C10orf53: variants seen among roughly 807,000 people sequenced by gnomAD.
The protein encoded by C10orf53 is UPF0728 protein C10orf53.
C10orf53 carries 8 observed loss-of-function variants against 9.4 expected under a neutral mutation model. That is an observed-to-expected ratio of 0.85 (90% CI 0.50 to 1.53). The LOEUF is 1.53. C10orf53 is among the 40% of genes most tolerant of loss of function. C10orf53 has a pLI of 0.00. For missense variants in C10orf53, 117 were observed against 117.8 expected, an observed-to-expected ratio of 0.99 and a Z score of 0.03; for synonymous variants, 48 against 46.0, an observed-to-expected ratio of 1.04 and a Z score of -0.18.
intron 1 of C10orf53, among the ~76,000 whole-genome samples, chr10:49,681,354 C>CA (rs1457133369): frequency 3.3e-5 from 5 of 152,162 alleles, no homozygotes; most frequent in African/African-American, 1.2e-4. Context: ...AAGAGTCTTC[C>CA]AGGCAAAATA....
At chr10:49,705,226 A>G (rs1002990326) in intron 2 of C10orf53, among the ~76,000 whole-genome samples, 3 of 152,212 alleles carry the variant, frequency 2.0e-5, no homozygotes, top group African/African-American at 7.2e-5. Context: ...ATGGGTATGC[A>G]TTGAATCTGC....
intron 1 of C10orf53, among the ~76,000 whole-genome samples, chr10:49,689,356 A>G (rs1318381252): frequency 2.6e-5 from 4 of 152,206 alleles, no homozygotes; most frequent in African/African-American, 9.6e-5. Context: ...CTAGGAGAGA[A>G]GAATTCATGG....
At chr10:49,708,369 A>C (rs1564510147) in exon 3 of C10orf53, 1 of 1,613,938 alleles carries the variant, frequency 6.2e-7, no homozygotes, top group Non-Finnish European at 8.5e-7. Flanking sequence ...AGGCAAGCTC[A>C]CCCCAAGTAG....
rs1342051138 is a variant in C10orf53, at chr10:49,696,424, TCTC to T, written c.*1826_*1828del. Among the ~76,000 whole-genome samples the T allele has an allele frequency of 6.6e-6, 1 of 152,204 alleles. No homozygotes were observed. The highest frequency in any genetic ancestry group is 1.5e-5 in the Non-Finnish European group (1 of 68,034). On this transcript the variant is annotated 3_prime_UTR_variant, in exon 3 of 3. Coordinates refer to ENST00000374111, the MANE Select transcript of C10orf53 (RefSeq NM_001042427.3). Reference sequence around the variant, plus strand: ...CATCTCCAAACACAGTGGAATCCTGTCTCCTCTAGCCCTGCAACCCCGGCATTA... The same window carrying T: ...CATCTCCAAACACAGTGGAATCCTGTCTCTAGCCCTGCAACCCCGGCATTA...
chr10:49,684,988 A>G (rs1391988433), intron 1 of C10orf53, among the ~76,000 whole-genome samples: 1 of 152,198 alleles, frequency 6.6e-6, no homozygotes, highest in Non-Finnish European at 1.5e-5. Flanking sequence ...CCTTAAGAGA[A>G]CAAACATTGA....
At chr10:49,691,635 T>G (rs1005758640) in intron 1 of C10orf53, among the ~76,000 whole-genome samples, 6 of 152,162 alleles carry the variant, frequency 3.9e-5, no homozygotes, top group Non-Finnish European at 8.8e-5. Flanking sequence ...CTCAACTCAA[T>G]AGGGTAAGTG....
downstream of C10orf53, among the ~76,000 whole-genome samples, chr10:49,700,375 C>T (rs553860943): frequency 3.3e-5 from 5 of 152,286 alleles, no homozygotes; most frequent in South Asian, 1.0e-3. Context: ...GTGGGCATTT[C>T]CCCCCAAGGG....
In C10orf53 at chr10:49,696,303, C is replaced by T. The variant is rs1395712295; in HGVS notation, c.*1701C>T. Among the ~76,000 whole-genome samples, 2 of 152,142 alleles carry T rather than the reference C, an allele frequency of 1.3e-5. No individual in the cohort carries two copies. The highest frequency in any genetic ancestry group is 2.1e-4 in the South Asian group (1 of 4,820). On this transcript the variant is annotated 3_prime_UTR_variant, in exon 3 of 3. Transcript: ENST00000374111. ...TTTATCTTGAATCAGGAAATCTCTC[C>T]CTTGAGCTGTGATTTCTACTTTCAT...
chr10:49,686,424 C>T (rs1015653401), intron 1 of C10orf53, among the ~76,000 whole-genome samples: 1 of 152,120 alleles, frequency 6.6e-6, no homozygotes, highest in African/African-American at 2.4e-5. Flanking sequence ...CAGTGATTTT[C>T]AGGGAATGAG....
rs143709317 is a variant in C10orf53 at position 49,689,531 on chromosome 10, A to G, written c.98-4243A>G. Among the ~76,000 whole-genome samples, 26 of 152,316 alleles carry G rather than the reference A, an allele frequency of 1.7e-4. No homozygotes were observed. In the East Asian group the frequency reaches 5.0e-3, roughly 29 times the overall value. On this transcript the variant is annotated intron_variant, in intron 1 of 2. Coordinates refer to ENST00000374111, the MANE Select transcript of C10orf53 (RefSeq NM_001042427.3). ...CTCAATATCTTCCTTATAAAAGAAAAAACAAACCTCACACACGCACTAGGA... is the reference window on the plus strand; with the variant it reads ...CTCAATATCTTCCTTATAAAAGAAAGAACAAACCTCACACACGCACTAGGA...
intron 1 of C10orf53, among the ~76,000 whole-genome samples, chr10:49,680,551 T>C (rs1840469040): frequency 6.6e-6 from 1 of 152,186 alleles, no homozygotes. Context: ...GTTAAACTGA[T>C]GGGGGATGAG....
chr10:49,691,169 G>A lies in C10orf53; in HGVS notation c.98-2605G>A, dbSNP rs554659663. On this transcript the variant is annotated intron_variant, in intron 1 of 2. Transcript: ENST00000374111. ...GCTCATGGGAGGAAATGGGTGCTCCGTGTAGAGAAGTGGCATTTGGATGAG... is the reference window on the plus strand; with the variant it reads ...GCTCATGGGAGGAAATGGGTGCTCCATGTAGAGAAGTGGCATTTGGATGAG... 3.9e-5 allele frequency among the ~76,000 whole-genome samples: 6 copies of A among 152,320 alleles called. No homozygotes were observed. The South Asian group carries it at 8.3e-4, about 21-fold the overall frequency.
intron 1 of C10orf53, among the ~76,000 whole-genome samples, chr10:49,685,503 C>T (rs906848984): frequency 5.3e-5 from 8 of 152,082 alleles, no homozygotes; most frequent in African/African-American, 1.9e-4. Flanking sequence ...AGTTGAGGAA[C>T]ATCTGTACAT....
At chr10:49,697,609 TG>T (rs1840647012), downstream of C10orf53, among the ~76,000 whole-genome samples, 1 of 152,246 alleles carries the variant, frequency 6.6e-6, no homozygotes, top group Admixed American at 6.5e-5. Context: ...TGGAGTGCAG[TG>T]GCATGATCAT....
chr10:49,686,578 C>T (rs888452514), intron 1 of C10orf53, among the ~76,000 whole-genome samples: 1 of 151,956 alleles, frequency 6.6e-6, no homozygotes, highest in African/African-American at 2.4e-5. Context: ...TAATTGAGAA[C>T]CTGGGAAAGG....
At chr10:49,698,824 C>G (rs1840657898), downstream of C10orf53, among the ~76,000 whole-genome samples, 1 of 152,140 alleles carries the variant, frequency 6.6e-6, no homozygotes, top group African/African-American at 2.4e-5. Flanking sequence ...CAAATCAGAG[C>G]ACACACCCGA....
chr10:49,706,419 C>G (rs1840722793), intron 2 of C10orf53, among the ~76,000 whole-genome samples: 1 of 152,150 alleles, frequency 6.6e-6, no homozygotes, highest in Admixed American at 6.6e-5. Context: ...GAATGAAGTT[C>G]TGATATATGC....
chr10:49,694,080 A>T, intron 2 of C10orf53, 187 bp downstream of exon 2: 10 of 743,422 alleles, frequency 1.3e-5, no homozygotes, highest in Non-Finnish European at 1.9e-5. Flanking sequence ...CCACACAGTA[A>T]AGTGTGTGAT....
chr10:49,682,618 C>T (rs1017550106), intron 1 of C10orf53, among the ~76,000 whole-genome samples: 2 of 151,760 alleles, frequency 1.3e-5, no homozygotes, highest in African/African-American at 2.4e-5. Flanking sequence ...GCTTTTATTC[C>T]CTTAGTTGGT....
Sources: allele counts gnomAD v4.1 joint callset (sites outside exome capture counted in the v4.1 genomes callset), GRCh38; gene constraint gnomAD v4.1.1; transcripts MANE v1.5; gene names NCBI Gene and HGNC (gene_info 2026-07-23, HGNC 2026-07-21).